CPA6: variants seen among roughly 807,000 people sequenced by gnomAD.
CPA6 encodes carboxypeptidase B.
In CPA6, 58 loss-of-function variants were observed where a neutral mutation model predicts 63.3. The observed-to-expected ratio is 0.92, with a 90% CI of 0.74 to 1.14. The LOEUF is 1.14. CPA6 is among the 50% of genes most tolerant of loss of function. The pLI is 0.00. For synonymous variants in CPA6, 185 were observed against 179.0 expected (o/e 1.03, Z -0.27); for missense variants, 565 against 526.6 (o/e 1.07, Z -0.71).
chr8:67,573,556 T>G (rs775462907), intron 2 of CPA6, among the ~76,000 whole-genome samples: 7 of 151,856 alleles, frequency 4.6e-5, no homozygotes, highest in Non-Finnish European at 1.0e-4. Flanking sequence ...GAAATAAATT[T>G]AACAAAGAAA....
chr8:67,718,714 T>C (rs1412350885), intron 1 of CPA6, among the ~76,000 whole-genome samples: 1 of 151,722 alleles, frequency 6.6e-6, no homozygotes, highest in Non-Finnish European at 1.5e-5. Context: ...TGGCGTGATC[T>C]CAGCTCACTG....
chr8:67,572,158 T>C (rs775379257), intron 2 of CPA6, among the ~76,000 whole-genome samples: 3 of 152,168 alleles, frequency 2.0e-5, no homozygotes, highest in African/African-American at 4.8e-5. Flanking sequence ...AGACTGATAA[T>C]GGAGTGAGGA....
chr8:67,468,002 G>A (rs1480996210), intron 8 of CPA6, among the ~76,000 whole-genome samples: 1 of 151,430 alleles, frequency 6.6e-6, no homozygotes, highest in Non-Finnish European at 1.5e-5. Flanking sequence ...AGGTTGCAGT[G>A]AGCCAAGATC....
chr8:67,444,307 G>A (rs1316126047), intron 8 of CPA6, among the ~76,000 whole-genome samples: 1 of 152,020 alleles, frequency 6.6e-6, no homozygotes, highest in African/African-American at 2.4e-5. Flanking sequence ...TGTTTTGAAT[G>A]AAACATTGAA....
chr8:67,449,355 T>C (rs1323011941), intron 8 of CPA6, among the ~76,000 whole-genome samples: 1 of 152,264 alleles, frequency 6.6e-6, no homozygotes, highest in Non-Finnish European at 1.5e-5. Context: ...CCTAACAATC[T>C]ACAGCAGCAT....
chr8:67,594,017 G>A (rs1292251159), intron 2 of CPA6, among the ~76,000 whole-genome samples: 2 of 151,128 alleles, frequency 1.3e-5, no homozygotes, highest in African/African-American at 4.9e-5. Context: ...TGCAGCGGCT[G>A]GTACTGGTTG....
chr8:67,676,728 A>ATTACTT (rs1816482405), intron 1 of CPA6, among the ~76,000 whole-genome samples: 1 of 152,250 alleles, frequency 6.6e-6, no homozygotes, highest in Non-Finnish European at 1.5e-5. Flanking sequence ...AGTAAAAGGA[A>ATTACTT]GAAGTTTATG....
At chr8:67,613,670 A>G (rs1814867177) in intron 2 of CPA6, among the ~76,000 whole-genome samples, 1 of 152,194 alleles carries the variant, frequency 6.6e-6, no homozygotes, top group Non-Finnish European at 1.5e-5. Flanking sequence ...TGGACAGGAG[A>G]CCGGGAAATC....
intron 1 of CPA6, among the ~76,000 whole-genome samples, chr8:67,721,326 G>C (rs114099397): frequency 0.021 from 3,225 of 152,222 alleles, 113 homozygotes; most frequent in African/African-American, 0.071. Flanking sequence ...TTTCAACTTG[G>C]TCTTTCTCTG....
At chr8:67,531,762 C>T (rs1181343183) in intron 2 of CPA6, among the ~76,000 whole-genome samples, 6 of 152,102 alleles carry the variant, frequency 3.9e-5, no homozygotes, top group Non-Finnish European at 8.8e-5. Flanking sequence ...TCTAAACAGA[C>T]TTTCTTCCCA....
At chr8:67,614,508 C>T (rs561345628) in intron 2 of CPA6, among the ~76,000 whole-genome samples, 26 of 152,246 alleles carry the variant, frequency 1.7e-4, no homozygotes, top group Non-Finnish European at 2.6e-4. Flanking sequence ...CCTTGAGACC[C>T]GCTGCTGAAT....
chr8:67,647,900 C>A (rs367842404), intron 1 of CPA6, among the ~76,000 whole-genome samples: 9 of 152,270 alleles, frequency 5.9e-5, no homozygotes, highest in East Asian at 1.9e-4. Context: ...CCCCTAAAAT[C>A]ATCTACATCT....
intron 1 of CPA6, among the ~76,000 whole-genome samples, chr8:67,698,270 G>A (rs1173171189): frequency 2.0e-5 from 3 of 152,114 alleles, no homozygotes; most frequent in Non-Finnish European, 2.9e-5. Flanking sequence ...TGCTGATTTC[G>A]AGGGCTCTCA....
intron 1 of CPA6, among the ~76,000 whole-genome samples, chr8:67,737,849 CTG>C (rs1389247443): frequency 7.2e-5 from 11 of 152,312 alleles, no homozygotes; most frequent in African/African-American, 2.6e-4. Flanking sequence ...ATAAAGAATG[CTG>C]TGAACTCAGG....
At chr8:67,483,672 A>T in intron 8 of CPA6, 96 bp downstream of exon 8, 1 of 972,000 alleles carries the variant, frequency 1.0e-6, no homozygotes, top group South Asian at 1.3e-5. Flanking sequence ...ATACAGAAAA[A>T]CATGAGTCTC....
chr8:67,559,653 C>T (rs184580026), intron 2 of CPA6, among the ~76,000 whole-genome samples: 1 of 152,164 alleles, frequency 6.6e-6, no homozygotes. Context: ...GGCAAACTTT[C>T]TTTCTTATTT....
intron 6 of CPA6, among the ~76,000 whole-genome samples, chr8:67,501,900 T>A (rs1226587235): frequency 6.6e-6 from 1 of 152,240 alleles, no homozygotes; most frequent in Non-Finnish European, 1.5e-5. Flanking sequence ...TTAAAAATCA[T>A]AAGTTAATAT....
intron 1 of CPA6, among the ~76,000 whole-genome samples, chr8:67,724,912 C>G (rs2129002259): frequency 6.6e-6 from 1 of 152,314 alleles, no homozygotes; most frequent in South Asian, 2.1e-4. Context: ...GACTCATCCC[C>G]CAATTTTTGG....
intron 1 of CPA6, among the ~76,000 whole-genome samples, chr8:67,660,238 A>G (rs1816076719): frequency 6.6e-6 from 1 of 150,418 alleles, no homozygotes; most frequent in Admixed American, 6.6e-5. Flanking sequence ...GGAGATTATT[A>G]TATCTACTAG....
Sources: gnomAD v4.1 joint callset for allele counts (sites outside exome capture counted in the v4.1 genomes callset) on GRCh38, gnomAD v4.1.1 for gene constraint, MANE v1.5 for transcripts, NCBI Gene and HGNC (gene_info 2026-07-23, HGNC 2026-07-21) for gene names.